Variants in UFSP2 observed in about 807,000 individuals in gnomAD.
UFSP2 encodes ufm1-specific protease 2.
UFSP2 carries 43 observed loss-of-function variants against 60.2 expected under a neutral mutation model. The ratio of observed to expected loss-of-function variants is 0.71; its 90% CI spans 0.56 to 0.92. UFSP2 has a LOEUF of 0.92. UFSP2 is among the 40% of genes least tolerant of loss of function. The pLI, the probability that UFSP2 is intolerant of heterozygous loss-of-function variation, is 0.00. For synonymous variants in UFSP2, 183 were observed against 195.1 expected, an observed-to-expected ratio of 0.94 and a Z score of 0.52; for missense variants, 520 against 575.0, an observed-to-expected ratio of 0.90 and a Z score of 0.98.
In UFSP2 at chr4:185,415,696, A is replaced by G; in HGVS notation, c.491+14T>C. 2.5e-6 allele frequency: 4 copies of G among 1,602,662 alleles called. No individual in the cohort carries two copies. The highest frequency in any genetic ancestry group is 3.4e-6 in the Non-Finnish European group (4 of 1,174,768). On this transcript the variant is annotated intron_variant, in intron 5 of 11. Transcript: ENST00000264689. ...CTCATTCAAATGTGGCAGTGGTACT[A>G]TAAAAATACTTACTTTCCCCATGTT...
intron 11 of UFSP2, among the ~76,000 whole-genome samples, chr4:185,402,594 G>A (rs1296774753): frequency 1.3e-5 from 2 of 152,084 alleles, no homozygotes; most frequent in African/African-American, 4.8e-5. Flanking sequence ...CCCTGCCTCA[G>A]CCTCCCAAAT....
chr4:185,415,348 C>CCCCA lies in UFSP2; in HGVS notation c.492-2_492-1insTGGG. The CCCCA allele has an allele frequency of 6.4e-7, 1 of 1,568,982 alleles. No homozygotes were observed. Among genetic ancestry groups the CCCCA allele is most frequent in the South Asian group, 1.2e-5 (1 of 82,928 alleles). ...TGCATCAACCAGGAGTTTACGAACT[C>CCCCA]TGTGGGGGGAAATATATAAGTGTAT... On this transcript the variant is annotated splice_acceptor_variant, in intron 5 of 11. Coordinates refer to ENST00000264689, the MANE Select transcript of UFSP2 (RefSeq NM_018359.5). LOFTEE classifies it high-confidence loss of function.
chr4:185,415,804 T>C lies in UFSP2; in HGVS notation c.397A>G (p.Ile133Val). 1.9e-6 allele frequency: 3 copies of C among 1,613,836 alleles called. No homozygotes were observed. The highest frequency in any genetic ancestry group is 2.5e-6 in the Non-Finnish European group (3 of 1,179,730). ...TGTCCTCCGCTTTCCCTTTCAATGATGGGCGTTACAGCTGCCAGGGAGGTT... is the reference window on the plus strand; with the variant it reads ...TGTCCTCCGCTTTCCCTTTCAATGACGGGCGTTACAGCTGCCAGGGAGGTT... The part of the protein sequence containing the change: ...MSTSLAAVTP[I>V]IERESGGHHY... Residue 133 changes from isoleucine to valine, a missense_variant, in exon 5 of 12, where the codon ATC becomes GTC. Coordinates refer to ENST00000264689, the MANE Select transcript of UFSP2 (RefSeq NM_018359.5).
chr4:185,406,671 G>A (rs922916898), intron 9 of UFSP2, among the ~76,000 whole-genome samples: 1 of 152,132 alleles, frequency 6.6e-6, no homozygotes, highest in Non-Finnish European at 1.5e-5. Context: ...CGCCTCTCAG[G>A]TTCAAGCGAT....
At chr4:185,402,666 G>C (rs1399782399) in intron 11 of UFSP2, among the ~76,000 whole-genome samples, 1 of 152,074 alleles carries the variant, frequency 6.6e-6, no homozygotes, top group Non-Finnish European at 1.5e-5. Flanking sequence ...AGTAGAGATG[G>C]GGTTTCACCA....
At chr4:185,423,187 G>A (rs2095552670) in intron 1 of UFSP2, among the ~76,000 whole-genome samples, 1 of 152,168 alleles carries the variant, frequency 6.6e-6, no homozygotes, top group Non-Finnish European at 1.5e-5. Context: ...AGTATCCTAT[G>A]CCCCCATGCC....
intron 6 of UFSP2, among the ~76,000 whole-genome samples, chr4:185,414,502 T>C (rs78075851): frequency 6.6e-6 from 1 of 152,354 alleles, no homozygotes; most frequent in African/African-American, 2.4e-5. Flanking sequence ...CTGTAGCTAT[T>C]GCTTCTACAA....
rs1428756141 is a variant in UFSP2 at position 185,422,570 on chromosome 4, CAAAT to C, written c.4-11_4-8del. Reference sequence around the variant, plus strand: ...CCATACTTTCTGAAATCACCTAGAACAAATAAAGATAAAGACAAACTCCCTTGTA... The same window carrying C: ...CCATACTTTCTGAAATCACCTAGAACAAAGATAAAGACAAACTCCCTTGTA... On this transcript the variant is annotated splice_polypyrimidine_tract_variant and splice_region_variant and intron_variant, in intron 1 of 11. Coordinates refer to ENST00000264689, the MANE Select transcript of UFSP2 (RefSeq NM_018359.5). The C allele has an allele frequency of 1.3e-6, 2 of 1,583,178 alleles. No homozygotes were observed. The highest frequency in any genetic ancestry group is 2.7e-5 in the African/African-American group (2 of 73,148).
At chr4:185,413,357 C>T (rs1173676195) in intron 7 of UFSP2, among the ~76,000 whole-genome samples, 3 of 152,130 alleles carry the variant, frequency 2.0e-5, no homozygotes, top group African/African-American at 7.2e-5. Context: ...CATTGCACTA[C>T]AGCCTGAGTG....
chr4:185,406,093 G>C, intron 9 of UFSP2: 4 of 704,352 alleles, frequency 5.7e-6, no homozygotes, highest in Non-Finnish European at 8.9e-6. Context: ...AAAAGACCTT[G>C]ATTTTCTGCT....
intron 1 of UFSP2, among the ~76,000 whole-genome samples, chr4:185,423,098 A>T (rs1225117506): frequency 1.3e-5 from 2 of 152,164 alleles, no homozygotes; most frequent in African/African-American, 4.8e-5. Context: ...GCCTCAAGTG[A>T]TCCGCCTGTC....
At chr4:185,403,985 A>C (rs2095516642) in intron 10 of UFSP2, among the ~76,000 whole-genome samples, 1 of 150,440 alleles carries the variant, frequency 6.6e-6, no homozygotes, top group African/African-American at 2.4e-5. Flanking sequence ...AAACAAAAAA[A>C]AACAACATTA....
chr4:185,404,293 GTTTTTTT>G (rs70962562), intron 10 of UFSP2, among the ~76,000 whole-genome samples: 20 of 80,476 alleles, frequency 2.5e-4, no homozygotes, highest in African/African-American at 7.9e-4. Context: ...CATTCATTAA[GTTTTTTT>G]TTTTTTTTTT....
intron 7 of UFSP2, among the ~76,000 whole-genome samples, chr4:185,412,381 C>T (rs1257312018): frequency 6.6e-6 from 1 of 152,160 alleles, no homozygotes; most frequent in Non-Finnish European, 1.5e-5. Flanking sequence ...CTCTAATGAC[C>T]AAGACCACAA....
chr4:185,415,372 AT>A (rs745348962), intron 5 of UFSP2, 25 bp from the exon 6 acceptor site: 9 of 1,528,898 alleles, frequency 5.9e-6, no homozygotes, highest in Non-Finnish European at 7.9e-6. Context: ...ATATAAGTGT[AT>A]TAACAAAAGT....
intron 1 of UFSP2, 94 bp downstream of exon 1, chr4:185,425,772 G>A (rs958885470): frequency 6.5e-7 from 1 of 1,537,038 alleles, no homozygotes; most frequent in South Asian, 1.2e-5. Flanking sequence ...ACCCCGGCAG[G>A]ACCAGCTCCT....
intron 6 of UFSP2, 63 bp downstream of exon 6, chr4:185,415,092 A>G: frequency 2.2e-6 from 3 of 1,362,808 alleles, no homozygotes; most frequent in South Asian, 2.8e-5. Flanking sequence ...GAAATATATA[A>G]TTAAATACAA....
intron 2 of UFSP2, among the ~76,000 whole-genome samples, chr4:185,420,276 AT>A (rs2095547029): frequency 6.6e-6 from 1 of 152,076 alleles, no homozygotes; most frequent in Non-Finnish European, 1.5e-5. Flanking sequence ...TTTTTAAAAA[AT>A]ATGTTTGAAT....
At chr4:185,423,777 C>T (rs1177391390) in intron 1 of UFSP2, among the ~76,000 whole-genome samples, 1 of 151,886 alleles carries the variant, frequency 6.6e-6, no homozygotes, top group Non-Finnish European at 1.5e-5. Flanking sequence ...TATACACACA[C>T]AGATACACAT....
Sources: gnomAD v4.1 joint callset for allele counts (sites outside exome capture counted in the v4.1 genomes callset) on GRCh38, gnomAD v4.1.1 for gene constraint, MANE v1.5 for transcripts, NCBI Gene and HGNC (gene_info 2026-07-23, HGNC 2026-07-21) for gene names.